The following CYP7B1 variants were observed in gnomAD, a reference collection of about 807,000 sequenced individuals.
CYP7B1 encodes the protein cytochrome P450 family 7 subfamily B member 1, also known as cytochrome P450 7B1.
A neutral mutation model predicts 42.7 loss-of-function variants in CYP7B1; 29 were observed. That is an observed-to-expected ratio of 0.68 (90% confidence interval 0.51 to 0.93). CYP7B1 has a LOEUF of 0.93. Among genes scored for constraint, CYP7B1 ranks in the 40% least tolerant of loss-of-function variants. CYP7B1 has a pLI of 0.00. For missense variants in CYP7B1, 655 were observed against 600.5 expected, an observed-to-expected ratio of 1.09 and a Z score of -0.95; for synonymous variants, 235 against 218.2, an observed-to-expected ratio of 1.08 and a Z score of -0.68.
rs1320072711 is a variant in CYP7B1 at position 64,752,671 on chromosome 8, C to A, written c.122+45795G>T. Among the ~76,000 whole-genome samples the A allele has an allele frequency of 2.0e-5, 3 of 152,108 alleles. No individual in the cohort carries two copies. The East Asian group carries it at 5.8e-4, about 29-fold the overall frequency. ...CACTACAGTATTTGAAGAGAAACTG[C>A]AAAATCTTATGTCCTTTTCTACATA... On this transcript the variant is annotated intron_variant, in intron 1 of 5. Transcript: ENST00000310193.
intron 1 of CYP7B1, among the ~76,000 whole-genome samples, chr8:64,650,461 A>C (rs1806021649): frequency 6.6e-6 from 1 of 152,140 alleles, no homozygotes; most frequent in African/African-American, 2.4e-5. Flanking sequence ...CAGCGTGGCC[A>C]AAATGATGAG....
chr8:64,783,734 T>G (rs1300170784), intron 1 of CYP7B1, among the ~76,000 whole-genome samples: 1 of 152,160 alleles, frequency 6.6e-6, no homozygotes, highest in East Asian at 1.9e-4. Context: ...AGACAAAGCT[T>G]TGCTCAGAGA....
intron 1 of CYP7B1, among the ~76,000 whole-genome samples, chr8:64,796,990 T>C (rs1031644673): frequency 1.3e-5 from 2 of 152,234 alleles, no homozygotes; most frequent in African/African-American, 2.4e-5. Flanking sequence ...CTATCTTCTA[T>C]ACACTGAAAT....
chr8:64,737,165 T>C (rs555285062), intron 1 of CYP7B1, among the ~76,000 whole-genome samples: 1 of 152,332 alleles, frequency 6.6e-6, no homozygotes, highest in East Asian at 1.9e-4. Context: ...TGCAATGATA[T>C]GATCATAGCT....
intron 1 of CYP7B1, among the ~76,000 whole-genome samples, chr8:64,666,781 C>T (rs1806286401): frequency 6.6e-6 from 1 of 152,164 alleles, no homozygotes; most frequent in African/African-American, 2.4e-5. Context: ...TTGCTATAGT[C>T]GTTACCTTCC....
At chr8:64,746,707 CT>C (rs1377304574) in intron 1 of CYP7B1, among the ~76,000 whole-genome samples, 6 of 152,040 alleles carry the variant, frequency 3.9e-5, no homozygotes, top group Admixed American at 3.3e-4. Context: ...TTATAATAGA[CT>C]TTTTTGTTAC....
At chr8:64,644,271 CAA>C (rs775932351) in intron 1 of CYP7B1, among the ~76,000 whole-genome samples, 35 of 94,566 alleles carry the variant, frequency 3.7e-4, no homozygotes, top group Non-Finnish European at 2.9e-4. Flanking sequence ...GACTCCATCT[CAA>C]AAAAAAAAAA....
intron 1 of CYP7B1, 115 bp from the exon 2 acceptor site, chr8:64,624,654 C>A: frequency 8.5e-7 from 1 of 1,172,118 alleles, no homozygotes; most frequent in South Asian, 1.4e-5. Flanking sequence ...TGCACTGCTT[C>A]TTTCTATTCT....
chr8:64,616,278 T>A lies in CYP7B1; in HGVS notation c.263A>T (p.Lys88Met). 6.4e-7 allele frequency: 1 copy of A among 1,569,390 alleles called. No individual in the cohort carries two copies. The highest frequency in any genetic ancestry group is 8.7e-7 in the Non-Finnish European group (1 of 1,150,696). Residue 88 changes from lysine to methionine, a missense_variant, in exon 3 of 6, where the codon AAG (lysine) becomes ATG (methionine). Coordinates refer to ENST00000310193, the MANE Select transcript of CYP7B1 (RefSeq NM_004820.5). ...GGGGTCCAGGATAAATGTTATGTAC[T>A]TTCCTAGAAAAAAAAAAAGAGAGAG... is the stretch of plus-strand genomic sequence containing the variant. ...GDTFTVLLGG[K>M]YITFILDPFQ...
In CYP7B1 at chr8:64,594,641, G is replaced by C. The variant is rs7834437; in HGVS notation, c.*2001C>G. Among the ~76,000 whole-genome samples, 1 of 152,118 alleles carries C rather than the reference G, an allele frequency of 6.6e-6. No individual in the cohort carries two copies. Among genetic ancestry groups the C allele is most frequent in the African/African-American group, 2.4e-5 (1 of 41,404 alleles). ...TCATGAACTAAAGAGTGTAAGGAGA[G>C]TGATCACTCAACTCGATGAACCTAG... is the stretch of plus-strand genomic sequence containing the variant. On this transcript the variant is annotated 3_prime_UTR_variant, in exon 6 of 6. Transcript: ENST00000310193.
chr8:64,759,904 G>C (rs1204517054), intron 1 of CYP7B1, among the ~76,000 whole-genome samples: 1 of 152,112 alleles, frequency 6.6e-6, no homozygotes, highest in East Asian at 1.9e-4. Flanking sequence ...AGTTAAAACA[G>C]AAGTTCACCA....
chr8:64,752,164 T>C (rs1807735593), intron 1 of CYP7B1, among the ~76,000 whole-genome samples: 1 of 150,936 alleles, frequency 6.6e-6, no homozygotes, highest in South Asian at 2.1e-4. Flanking sequence ...CCATGATGTA[T>C]GTACTCCAGA....
intron 1 of CYP7B1, among the ~76,000 whole-genome samples, chr8:64,781,834 G>A (rs2129681669): frequency 6.6e-6 from 1 of 152,242 alleles, no homozygotes; most frequent in African/African-American, 2.4e-5. Flanking sequence ...GCCTATCACA[G>A]TCTAATGGAT....
chr8:64,589,376 A>G (rs1256333987), downstream of CYP7B1, among the ~76,000 whole-genome samples: 1 of 152,224 alleles, frequency 6.6e-6, no homozygotes, highest in African/African-American at 2.4e-5. Context: ...AGTTCAAAAT[A>G]AAAAGTTTTT....
intron 4 of CYP7B1, among the ~76,000 whole-genome samples, chr8:64,606,235 C>T (rs1190800346): frequency 6.6e-6 from 1 of 152,128 alleles, no homozygotes; most frequent in Non-Finnish European, 1.5e-5. Context: ...CAGAAAAGAA[C>T]TTTGGTTTTG....
At chr8:64,674,764 T>G (rs1371782243) in intron 1 of CYP7B1, among the ~76,000 whole-genome samples, 2 of 152,058 alleles carry the variant, frequency 1.3e-5, no homozygotes, top group Non-Finnish European at 2.9e-5. Context: ...GTGTTCTTAA[T>G]AAAAAAATAA....
chr8:64,640,912 A>C (rs1805843207), intron 1 of CYP7B1, among the ~76,000 whole-genome samples: 1 of 152,190 alleles, frequency 6.6e-6, no homozygotes, highest in Admixed American at 6.6e-5. Context: ...AATAAGCATA[A>C]GATGTTATCT....
chr8:64,790,920 A>G (rs1011687649), intron 1 of CYP7B1, among the ~76,000 whole-genome samples: 1 of 152,206 alleles, frequency 6.6e-6, no homozygotes, highest in Non-Finnish European at 1.5e-5. Flanking sequence ...CTAAAACAAT[A>G]TAACTAGTAT....
At chr8:64,627,085 A>G (rs554225122) in intron 1 of CYP7B1, among the ~76,000 whole-genome samples, 1 of 152,342 alleles carries the variant, frequency 6.6e-6, no homozygotes, top group African/African-American at 2.4e-5. Context: ...CTCTTTTTAG[A>G]AGACAATTTA....
Sources: gnomAD v4.1 joint callset for allele counts (sites outside exome capture counted in the v4.1 genomes callset) on GRCh38, gnomAD v4.1.1 for gene constraint, MANE v1.5 for transcripts, NCBI Gene and HGNC (gene_info 2026-07-23, HGNC 2026-07-21) for gene names.